XYLT1: variants seen among roughly 807,000 people sequenced by gnomAD.
XYLT1 encodes the protein xylosyltransferase 1, also known as beta-D-xylosyltransferase 1.
Under a neutral mutation model 91.3 loss-of-function variants are expected in XYLT1, and 36 were observed. That is an observed-to-expected ratio of 0.39 (90% CI 0.30 to 0.52). The LOEUF (loss-of-function observed/expected upper bound fraction) is 0.52. XYLT1 is among the 20% of genes least tolerant of loss of function. The pLI is 0.68. For synonymous variants in XYLT1, 588 were observed against 532.0 expected, an observed-to-expected ratio of 1.11 and a Z score of -1.45; for missense variants, 1,242 against 1,284.5, an observed-to-expected ratio of 0.97 and a Z score of 0.51.
chr16:17,448,845 G>A (rs1399649824), intron 1 of XYLT1, among the ~76,000 whole-genome samples: 1 of 152,088 alleles, frequency 6.6e-6, no homozygotes, highest in Non-Finnish European at 1.5e-5. Flanking sequence ...TGAGGTGCAT[G>A]TATTAACTCA....
At chr16:17,110,744 T>G (rs1597125452) in intron 11 of XYLT1, among the ~76,000 whole-genome samples, 1 of 151,996 alleles carries the variant, frequency 6.6e-6, no homozygotes, top group Admixed American at 6.6e-5. Flanking sequence ...GCAGCTGGAG[T>G]TAGAGACAGA....
chr16:17,470,621 G>GGGGCCC lies in XYLT1; in HGVS notation c.175_176insGGGCCC (p.Pro58_Pro59insArgAla). On this transcript the variant is annotated inframe_insertion, in exon 1 of 12. Transcript: ENST00000261381. The stretch of plus-strand genomic sequence containing the variant: ...GCGCTCCCGGCGCGGGGCCGGGGCC[G>GGGGCCC]GGGGCGGCTGCTCCCCGCCGCCGAC... 9.0e-7 allele frequency: 1 copy of GGGGCCC among 1,115,214 alleles called. No individual in the cohort carries two copies. The highest frequency in any genetic ancestry group is 1.1e-6 in the Non-Finnish European group (1 of 916,942). 69.1% of individuals were successfully genotyped at this position (1,115,214 alleles called of 1,614,324 possible). A position where few individuals can be genotyped will look rare whatever the true frequency, so the allele number is the denominator to read the frequency against.
chr16:17,273,719 CT>C (rs1387801119), intron 2 of XYLT1, among the ~76,000 whole-genome samples: 1 of 151,642 alleles, frequency 6.6e-6, no homozygotes, highest in Non-Finnish European at 1.5e-5. Flanking sequence ...TGGTGGGTGC[CT>C]GTAATCCCAC....
chr16:17,358,218 C>T lies in XYLT1; in HGVS notation c.364-168G>A, dbSNP rs376774499. Among the ~76,000 whole-genome samples the T allele has an allele frequency of 1.3e-4, 19 of 151,694 alleles. No homozygotes were observed. The East Asian group carries it at 2.3e-3, about 19-fold the overall frequency. Reference sequence around the variant, plus strand: ...GATCATAGCTCACTCACTGCAGCCTCGACCTCCAGGGCTCAAGTGATCCTC... The same window carrying T: ...GATCATAGCTCACTCACTGCAGCCTTGACCTCCAGGGCTCAAGTGATCCTC... On this transcript the variant is annotated intron_variant, in intron 1 of 11. Coordinates refer to ENST00000261381, the MANE Select transcript of XYLT1 (RefSeq NM_022166.4).
chr16:17,369,530 A>T (rs189628374), intron 1 of XYLT1: 1 of 151,934 alleles, frequency 6.6e-6, no homozygotes, highest in African/African-American at 2.4e-5. Flanking sequence ...TCACCACCAT[A>T]CCTTACCCCT....
At chr16:17,112,338 G>A (rs1473616574) in intron 11 of XYLT1, among the ~76,000 whole-genome samples, 1 of 151,468 alleles carries the variant, frequency 6.6e-6, no homozygotes, top group East Asian at 2.0e-4. Context: ...TTGGAACATC[G>A]CTAACAAATA....
Position 17,141,243 on chromosome 16 carries a change from G to T in XYLT1, c.1497C>A (p.Asn499Lys). The T allele has an allele frequency of 6.2e-7, 1 of 1,614,172 alleles. No individual in the cohort carries two copies. Reference protein sequence around the residue: ...VDGGSDWFLLNRRFVEYVTFS... With the variant: ...VDGGSDWFLLKRRFVEYVTFS... ...AGGTCACATATTCTACAAACCTCCG[G>T]TTCAGCAGGAACCAGTCCGAACCGC... Residue 499 changes from asparagine to lysine, a missense_variant, in exon 7 of 12, where the codon AAC (asparagine) becomes AAA (lysine). Coordinates refer to ENST00000261381, the MANE Select transcript of XYLT1 (RefSeq NM_022166.4).
chr16:17,440,050 T>C (rs960838763), intron 1 of XYLT1, among the ~76,000 whole-genome samples: 3 of 152,222 alleles, frequency 2.0e-5, no homozygotes, highest in Non-Finnish European at 4.4e-5. Context: ...TTTTGGGGAA[T>C]CCAACTGTCA....
At chr16:17,425,931 C>T (rs564858559) in intron 1 of XYLT1, among the ~76,000 whole-genome samples, 7 of 152,274 alleles carry the variant, frequency 4.6e-5, no homozygotes, top group South Asian at 2.1e-4. Context: ...TCGTTTAGCA[C>T]GTCATGTGGT....
At chr16:17,462,918 G>A (rs1321794253) in intron 1 of XYLT1, among the ~76,000 whole-genome samples, 4 of 152,198 alleles carry the variant, frequency 2.6e-5, no homozygotes, top group African/African-American at 7.2e-5. Context: ...AATAGAGAAC[G>A]CAGAAATAAA....
intron 10 of XYLT1, among the ~76,000 whole-genome samples, chr16:17,124,475 A>T (rs976886470): frequency 6.6e-6 from 1 of 152,186 alleles, no homozygotes; most frequent in Non-Finnish European, 1.5e-5. Context: ...TGCTGTGAGA[A>T]ATCTGCTGTT....
chr16:17,343,323 A>G (rs558512289), intron 2 of XYLT1, among the ~76,000 whole-genome samples: 3 of 151,956 alleles, frequency 2.0e-5, no homozygotes, highest in East Asian at 1.9e-4. Context: ...TGTGCCACGA[A>G]CTCCTCTTGC....
At chr16:17,356,525 G>A (rs1393925919) in intron 2 of XYLT1, among the ~76,000 whole-genome samples, 2 of 151,966 alleles carry the variant, frequency 1.3e-5, no homozygotes, top group Non-Finnish European at 2.9e-5. Context: ...TCCCCATCAG[G>A]GAGGAAGCAA....
intron 2 of XYLT1, among the ~76,000 whole-genome samples, chr16:17,337,782 T>C (rs1239476907): frequency 2.4e-5 from 3 of 123,824 alleles, no homozygotes; most frequent in African/African-American, 4.1e-5. Flanking sequence ...TTTCTTTTTC[T>C]TTTTTTTTTT....
chr16:17,333,462 C>T (rs2034931082), intron 2 of XYLT1, among the ~76,000 whole-genome samples: 1 of 151,980 alleles, frequency 6.6e-6, no homozygotes, highest in South Asian at 2.1e-4. Context: ...CCATATGGGA[C>T]AGCACAGATC....
chr16:17,184,510 C>T (rs940397708), intron 5 of XYLT1, among the ~76,000 whole-genome samples: 5 of 150,482 alleles, frequency 3.3e-5, no homozygotes, highest in Non-Finnish European at 7.4e-5. Context: ...CCCATGGCAT[C>T]GATGTAAGGT....
At chr16:17,131,042 C>T (rs1361528917) in intron 9 of XYLT1, among the ~76,000 whole-genome samples, 1 of 151,954 alleles carries the variant, frequency 6.6e-6, no homozygotes, top group Non-Finnish European at 1.5e-5. Context: ...TCTGTCTGCA[C>T]ACTAGAATGG....
At chr16:17,155,334 C>A (rs1204695529) in intron 6 of XYLT1, among the ~76,000 whole-genome samples, 2 of 151,926 alleles carry the variant, frequency 1.3e-5, no homozygotes. Flanking sequence ...CACAGAAAAA[C>A]AGAACTAATA....
intron 5 of XYLT1, among the ~76,000 whole-genome samples, chr16:17,195,592 C>T (rs532899365): frequency 2.6e-5 from 4 of 152,166 alleles, no homozygotes; most frequent in East Asian, 1.9e-4. Flanking sequence ...ATTACAGGCA[C>T]GCACCACCAT....
Sources: gnomAD v4.1 joint callset for allele counts (sites outside exome capture counted in the v4.1 genomes callset) on GRCh38, gnomAD v4.1.1 for gene constraint, MANE v1.5 for transcripts, NCBI Gene and HGNC (gene_info 2026-07-23, HGNC 2026-07-21) for gene names.